LRMDA: variants seen among roughly 807,000 people sequenced by gnomAD.
LRMDA encodes leucine-rich melanocyte differentiation-associated protein.
In LRMDA, 18 loss-of-function variants were observed where a neutral mutation model predicts 29.8. The observed-to-expected ratio is 0.60, with a 90% CI of 0.42 to 0.90. The LOEUF (loss-of-function observed/expected upper bound fraction) is 0.90. LRMDA is among the 40% of genes least tolerant of loss of function. The pLI is 0.00. For synonymous variants in LRMDA, 125 were observed against 109.4 expected, an observed-to-expected ratio of 1.14 and a Z score of -0.89; for missense variants, 273 against 273.9, an observed-to-expected ratio of 1.00 and a Z score of 0.02.
intron 6 of LRMDA, among the ~76,000 whole-genome samples, chr10:76,393,095 C>T (rs1052154631): frequency 3.3e-5 from 5 of 152,190 alleles, no homozygotes; most frequent in South Asian, 2.1e-4. Context: ...TTGATGGAAC[C>T]GTAGACTGAT....
intron 2 of LRMDA, among the ~76,000 whole-genome samples, chr10:75,854,076 T>C (rs1290870502): frequency 6.6e-6 from 1 of 152,100 alleles, no homozygotes; most frequent in Non-Finnish European, 1.5e-5. Flanking sequence ...TTTAGAGTTG[T>C]GGTTATGTAA....
intron 6 of LRMDA, among the ~76,000 whole-genome samples, chr10:76,534,722 A>AT: frequency 6.6e-6 from 1 of 152,210 alleles, no homozygotes; most frequent in Non-Finnish European, 1.5e-5. Flanking sequence ...AATACATGTC[A>AT]TTCAGAAGCT....
At chr10:75,541,952 T>C (rs1042975762) in intron 2 of LRMDA, among the ~76,000 whole-genome samples, 1 of 152,206 alleles carries the variant, frequency 6.6e-6, no homozygotes. Flanking sequence ...AGAAAAATTA[T>C]CTTGATAAAT....
At chr10:75,951,190 T>A (rs1275844067) in intron 2 of LRMDA, among the ~76,000 whole-genome samples, 2 of 152,218 alleles carry the variant, frequency 1.3e-5, no homozygotes, top group Non-Finnish European at 2.9e-5. Flanking sequence ...AATTTACAGT[T>A]CACTAAGGAG....
intron 2 of LRMDA, among the ~76,000 whole-genome samples, chr10:75,562,040 A>G (rs1054140305): frequency 6.6e-6 from 1 of 151,978 alleles, no homozygotes; most frequent in Admixed American, 6.6e-5. Flanking sequence ...GTAGATGTCT[A>G]TTAGGTCCAC....
intron 2 of LRMDA, among the ~76,000 whole-genome samples, chr10:75,832,809 C>T (rs1432100611): frequency 6.6e-6 from 1 of 152,180 alleles, no homozygotes; most frequent in Non-Finnish European, 1.5e-5. Flanking sequence ...TGCAGAGAAA[C>T]TTCTGTTTTT....
intron 2 of LRMDA, among the ~76,000 whole-genome samples, chr10:75,452,851 C>T (rs193254132): frequency 6.6e-6 from 1 of 152,240 alleles, no homozygotes; most frequent in Non-Finnish European, 1.5e-5. Context: ...CATTGGGATG[C>T]ACTTGGACAC....
At chr10:76,443,940 G>A (rs1278969115) in intron 6 of LRMDA, among the ~76,000 whole-genome samples, 1 of 152,044 alleles carries the variant, frequency 6.6e-6, no homozygotes, top group Non-Finnish European at 1.5e-5. Flanking sequence ...GTAAGGTTGG[G>A]TGTATGGACA....
At chr10:75,755,263 G>A (rs539819274) in intron 2 of LRMDA, among the ~76,000 whole-genome samples, 2 of 152,336 alleles carry the variant, frequency 1.3e-5, no homozygotes, top group South Asian at 4.1e-4. Context: ...CACCATTAAT[G>A]TAGGTATGGT....
intron 6 of LRMDA, among the ~76,000 whole-genome samples, chr10:76,425,833 A>G (rs997597143): frequency 2.7e-5 from 4 of 147,872 alleles, no homozygotes; most frequent in Non-Finnish European, 5.9e-5. Flanking sequence ...GTTCCCACCT[A>G]TGAGTGAGAA....
At chr10:76,312,166 G>C (rs1404639211) in intron 5 of LRMDA, among the ~76,000 whole-genome samples, 1 of 152,136 alleles carries the variant, frequency 6.6e-6, no homozygotes, top group Non-Finnish European at 1.5e-5. Context: ...TTATATCAGA[G>C]TTTCCTGTCA....
At chr10:76,235,339 A>C (rs987374588) in intron 5 of LRMDA, among the ~76,000 whole-genome samples, 1 of 152,166 alleles carries the variant, frequency 6.6e-6, no homozygotes, top group Non-Finnish European at 1.5e-5. Flanking sequence ...TCACCATAAC[A>C]GATATAATAA....
chr10:76,029,991 G>A lies in LRMDA; in HGVS notation c.132-6017G>A, dbSNP rs1215223344. Among the ~76,000 whole-genome samples the A allele has an allele frequency of 5.3e-5, 8 of 152,292 alleles. No homozygotes were observed. The South Asian group carries it at 1.5e-3, about 28-fold the overall frequency. On this transcript the variant is annotated intron_variant, in intron 2 of 6. Transcript: ENST00000611255. ...GCTCACTGTAGCCTGGCCCTCCTGG[G>A]CTCAAGCGATTCTCTTGCCTCAGCC... is the stretch of plus-strand genomic sequence containing the variant.
In LRMDA at chr10:76,163,553, G is replaced by A. The variant is rs535504526; in HGVS notation, c.516+104770G>A. Among the ~76,000 whole-genome samples, 116 of 152,028 alleles carry A rather than the reference G, an allele frequency of 7.6e-4. No individual in the cohort carries two copies. The South Asian group carries it at 8.9e-3, about 12-fold the overall frequency. On this transcript the variant is annotated intron_variant, in intron 5 of 6. Coordinates refer to ENST00000611255, the MANE Select transcript of LRMDA (RefSeq NM_001305581.2). ...CTATACATAAAGCATTACTGTGCAC[G>A]TGCATGTAGTAGACAGAAGACATCT...
At chr10:75,668,192 C>T (rs1841846947) in intron 2 of LRMDA, among the ~76,000 whole-genome samples, 1 of 152,174 alleles carries the variant, frequency 6.6e-6, no homozygotes, top group Non-Finnish European at 1.5e-5. Context: ...CATCGCTTTG[C>T]ATCAGGAGTT....
At chr10:76,283,799 C>A (rs1210484610) in intron 5 of LRMDA, among the ~76,000 whole-genome samples, 2 of 152,102 alleles carry the variant, frequency 1.3e-5, no homozygotes, top group Non-Finnish European at 1.5e-5. Flanking sequence ...CACCCCACAG[C>A]CTGTGTTCTT....
chr10:76,279,000 T>G (rs1840169698), intron 5 of LRMDA, among the ~76,000 whole-genome samples: 1 of 152,198 alleles, frequency 6.6e-6, no homozygotes. Flanking sequence ...ATATCCACAT[T>G]TATTTTGTTT....
rs532308545 is a variant in LRMDA, at chr10:76,438,388, T to G, written c.601+113903T>G. ...TTACAATACTCATTGCATGACAGAA[T>G]TATTTTTCATTTCTCTCTTTCTTTC... On this transcript the variant is annotated intron_variant, in intron 6 of 6. Transcript: ENST00000611255. 5 of 152,334 alleles carry G rather than the reference T, an allele frequency of 3.3e-5. No homozygotes were observed. In the South Asian group the frequency reaches 1.0e-3, roughly 32 times the overall value. The allele number at this position is 152,334 out of a possible 1,614,324, so 9.4% of individuals were successfully genotyped here. A position where few individuals can be genotyped will look rare whatever the true frequency, so the allele number is the denominator to read the frequency against.
intron 5 of LRMDA, among the ~76,000 whole-genome samples, chr10:76,079,941 G>T (rs910058134): frequency 6.6e-6 from 1 of 152,116 alleles, no homozygotes; most frequent in South Asian, 2.1e-4. Context: ...TGGGGTATCC[G>T]TGGTCATTTG....
Sources: allele counts gnomAD v4.1 joint callset (sites outside exome capture counted in the v4.1 genomes callset), GRCh38; gene constraint gnomAD v4.1.1; transcripts MANE v1.5; gene names NCBI Gene and HGNC (gene_info 2026-07-23, HGNC 2026-07-21).